Variants in CTNS observed in about 807,000 individuals in gnomAD.
The protein encoded by CTNS is cystinosin.
CTNS carries 27 observed loss-of-function variants against 43.7 expected under a neutral mutation model. The ratio of observed to expected loss-of-function variants is 0.62; its 90% CI spans 0.46 to 0.85. The LOEUF (loss-of-function observed/expected upper bound fraction) is 0.85. Among genes scored for constraint, CTNS ranks in the 40% least tolerant of loss-of-function variants. CTNS has a pLI of 0.00. For synonymous variants in CTNS, 187 were observed against 190.6 expected, an observed-to-expected ratio of 0.98 and a Z score of 0.16; for missense variants, 457 against 475.4, an observed-to-expected ratio of 0.96 and a Z score of 0.36.
chr17:3,657,950 AGCCCCGGCGTG>A, intron 9 of CTNS, 44 bp from the exon 10 acceptor site: 1 of 1,595,296 alleles, frequency 6.3e-7, no homozygotes, highest in Admixed American at 1.7e-5. Context: ...GTCCTTGCTC[AGCCCCGGCGTG>A]GCCTCTGTGT....
intron 2 of CTNS, 44 bp from the exon 3 acceptor site, chr17:3,640,144 T>C: frequency 2.6e-6 from 4 of 1,514,558 alleles, no homozygotes; most frequent in Non-Finnish European, 3.7e-6. Flanking sequence ...GCTGAGCTGA[T>C]TCAACATTCC....
At chr17:3,659,029 G>C (rs1422864269) in intron 10 of CTNS, among the ~76,000 whole-genome samples, 4 of 152,116 alleles carry the variant, frequency 2.6e-5, no homozygotes, top group Admixed American at 2.6e-4. Context: ...CTGAGGGTGG[G>C]AGGGATTGGG....
chr17:3,641,307 C>T (rs1438811386), intron 3 of CTNS, among the ~76,000 whole-genome samples: 1 of 143,344 alleles, frequency 7.0e-6, no homozygotes, highest in Admixed American at 7.1e-5. Context: ...GGTGCCAGGC[C>T]CATTCATTTG....
upstream of CTNS, chr17:3,636,606 C>G (rs573729122): frequency 2.0e-4 from 42 of 210,524 alleles, 1 homozygote; most frequent in South Asian, 4.4e-3. Context: ...TGCGCCCCGG[C>G]CCGACCCAGC....
At chr17:3,655,447 TCTACCCTTCTGTCTGC>T (rs2076106374) in intron 7 of CTNS, 95 bp downstream of exon 7, 9 of 1,553,748 alleles carry the variant, frequency 5.8e-6, no homozygotes, top group Non-Finnish European at 7.9e-6. Context: ...CAACGTCCCC[TCTACCCTTCTGTCTGC>T]CTACCCTTTC....
chr17:3,651,527 G>A (rs376035602), intron 5 of CTNS, among the ~76,000 whole-genome samples: 1 of 152,220 alleles, frequency 6.6e-6, no homozygotes, highest in Admixed American at 6.5e-5. Context: ...GCCAGCGGAG[G>A]CTGGAGGAAG....
intron 9 of CTNS, 83 bp downstream of exon 9, chr17:3,656,878 G>T: frequency 6.3e-7 from 1 of 1,595,348 alleles, no homozygotes; most frequent in Non-Finnish European, 8.5e-7. Context: ...ACACGGCAGA[G>T]CCTGGGAAAG....
chr17:3,641,899 G>A (rs2075718063), intron 3 of CTNS, among the ~76,000 whole-genome samples: 2 of 152,250 alleles, frequency 1.3e-5, no homozygotes, highest in Middle Eastern at 3.4e-3. Context: ...GGAAAGGCAG[G>A]TCTTTCAGAC....
chr17:3,652,040 T>C (rs936103835), intron 5 of CTNS, among the ~76,000 whole-genome samples: 2 of 151,836 alleles, frequency 1.3e-5, no homozygotes, highest in African/African-American at 4.8e-5. Flanking sequence ...GAGATGGCAT[T>C]GATGGGCACC....
At chr17:3,637,886 G>A (rs1173229678) in intron 2 of CTNS, among the ~76,000 whole-genome samples, 1 of 152,150 alleles carries the variant, frequency 6.6e-6, no homozygotes, top group Admixed American at 6.5e-5. Flanking sequence ...GTAATAAATA[G>A]GTCAAGCCTG....
At chr17:3,649,011 G>C in intron 5 of CTNS, 80 bp downstream of exon 5, 1 of 1,226,942 alleles carries the variant, frequency 8.2e-7, no homozygotes, top group Non-Finnish European at 1.2e-6. Flanking sequence ...GTGGAAACAG[G>C]TCTCCTAGGC....
At chr17:3,640,502 T>C (rs940982825) in intron 3 of CTNS, among the ~76,000 whole-genome samples, 1 of 152,256 alleles carries the variant, frequency 6.6e-6, no homozygotes, top group African/African-American at 2.4e-5. Context: ...GGTATCTCTG[T>C]ACCTTTCTGT....
At chr17:3,653,554 G>C (rs1597641200) in intron 5 of CTNS, among the ~76,000 whole-genome samples, 3 of 152,062 alleles carry the variant, frequency 2.0e-5, no homozygotes, top group Non-Finnish European at 4.4e-5. Flanking sequence ...ATATCATCCT[G>C]CTCCCCATCA....
chr17:3,655,397 G>A (rs781060446), intron 7 of CTNS, 45 bp downstream of exon 7: 1 of 1,612,126 alleles, frequency 6.2e-7, no homozygotes, highest in Non-Finnish European at 8.5e-7. Context: ...GGGCCCCTAG[G>A]AGCAGGGCGT....
Position 3,647,519 on chromosome 17 carries a change from TGCGGTAAGTTCCTGGGCCTG to T in CTNS, c.140+1_140+20del. ...AGCTCGACCAACGTCAGCCTCACCC[TGCGGTAAGTTCCTGGGCCTG>T]GCGCTGTGCTCAGCTCCGCTCAGGC... On this transcript the variant is annotated splice_donor_variant and splice_donor_5th_base_variant and coding_sequence_variant and intron_variant, in exon 4 of 12. Transcript: ENST00000046640. LOFTEE classifies it high-confidence loss of function. The T allele has an allele frequency of 6.2e-7, 1 of 1,614,022 alleles. No homozygotes were observed. The highest frequency in any genetic ancestry group is 1.1e-5 in the South Asian group (1 of 91,090).
Position 3,656,476 on chromosome 17 carries a change from AC to A in CTNS, c.462-6del, listed in dbSNP as rs2076149738. Reference sequence around the variant, plus strand: ...ACCCCCTGCCCTGTCTTGTCCCTCCACCCCCTGCAGTGTCATTGGTCTGAGC... The same window carrying A: ...ACCCCCTGCCCTGTCTTGTCCCTCCACCCCTGCAGTGTCATTGGTCTGAGC... On this transcript the variant is annotated splice_polypyrimidine_tract_variant and intron_variant, in intron 7 of 11. Coordinates refer to ENST00000046640, the MANE Select transcript of CTNS (RefSeq NM_004937.3). The A allele has an allele frequency of 6.4e-7, 1 of 1,559,408 alleles. No individual in the cohort carries two copies. Among genetic ancestry groups the A allele is most frequent in the Non-Finnish European group, 8.6e-7 (1 of 1,160,146 alleles).
rs779909823 is a variant in CTNS, at chr17:3,658,160, C to G, written c.837C>G (p.Val279=). Residue 279 remains valine, a synonymous_variant, in exon 10 of 12, where the codon GTC becomes GTG. Coordinates refer to ENST00000046640, the MANE Select transcript of CTNS (RefSeq NM_004937.3). ...ACATCAAGCTCGCAGTCACGCTGGT[C>G]AAGTATTTTCCACAGGTACCTCCAG... ...FSYIKLAVTL[V]KYFPQAYMNF... 1.2e-6 allele frequency: 2 copies of G among 1,612,194 alleles called. No homozygotes were observed. Among genetic ancestry groups the G allele is most frequent in the Admixed American group, 1.7e-5 (1 of 60,028 alleles).
At chr17:3,650,181 A>G (rs1222069808) in intron 5 of CTNS, 1 of 1,550,284 alleles carries the variant, frequency 6.5e-7, no homozygotes, top group Non-Finnish European at 8.7e-7. Flanking sequence ...AAGCTGGTGG[A>G]AGCAGGAGGA....
At chr17:3,642,345 T>C (rs1375412410) in intron 3 of CTNS, among the ~76,000 whole-genome samples, 2 of 152,062 alleles carry the variant, frequency 1.3e-5, no homozygotes, top group Admixed American at 6.6e-5. Context: ...GGGACCTGCA[T>C]AGGATCCCTG....
Sources: gnomAD v4.1 joint callset for allele counts (sites outside exome capture counted in the v4.1 genomes callset) on GRCh38, gnomAD v4.1.1 for gene constraint, MANE v1.5 for transcripts, NCBI Gene and HGNC (gene_info 2026-07-23, HGNC 2026-07-21) for gene names.